Variants in ERBB4 observed in about 807,000 individuals in gnomAD.
The protein encoded by ERBB4 is erb-b2 receptor tyrosine kinase 4.
A neutral mutation model predicts 158.0 loss-of-function variants in ERBB4; 42 were observed. The ratio of observed to expected loss-of-function variants is 0.27; its 90% CI spans 0.21 to 0.34. ERBB4 has a LOEUF of 0.34. Among genes scored for constraint, ERBB4 ranks in the 10% least tolerant of loss-of-function variants. The pLI, the probability that ERBB4 is intolerant of heterozygous loss-of-function variation, is 1.00. For synonymous variants in ERBB4, 583 were observed against 558.7 expected (o/e 1.04, Z -0.61); for missense variants, 1,333 against 1,624.1 (o/e 0.82, Z 3.08).
chr2:212,296,021 T>C (rs1329009173), intron 1 of ERBB4, among the ~76,000 whole-genome samples: 1 of 152,032 alleles, frequency 6.6e-6, no homozygotes, highest in Non-Finnish European at 1.5e-5. Flanking sequence ...AATTAGATGA[T>C]CCCAGGATTG....
intron 2 of ERBB4, among the ~76,000 whole-genome samples, chr2:212,098,120 TG>T (rs1277691907): frequency 6.6e-6 from 1 of 152,160 alleles, no homozygotes; most frequent in Non-Finnish European, 1.5e-5. Context: ...ACTGATACCA[TG>T]AGGTTTTCAC....
At chr2:211,824,150 A>G (rs1202271619) in intron 3 of ERBB4, among the ~76,000 whole-genome samples, 1 of 151,940 alleles carries the variant, frequency 6.6e-6, no homozygotes, top group Non-Finnish European at 1.5e-5. Context: ...TTTTACGAGT[A>G]CTGCTTAAAA....
At chr2:212,447,521 C>A (rs2092379459) in intron 1 of ERBB4, among the ~76,000 whole-genome samples, 1 of 152,210 alleles carries the variant, frequency 6.6e-6, no homozygotes, top group Admixed American at 6.5e-5. Context: ...TTTTCATAAA[C>A]ATTCTTAGGT....
intron 20 of ERBB4, among the ~76,000 whole-genome samples, chr2:211,542,319 A>C (rs1411804630): frequency 6.6e-6 from 1 of 151,988 alleles, no homozygotes; most frequent in Non-Finnish European, 1.5e-5. Flanking sequence ...AAGGAAAACT[A>C]TCTCTTAGCT....
At chr2:212,294,229 C>T (rs145983148) in intron 1 of ERBB4, among the ~76,000 whole-genome samples, 6 of 152,084 alleles carry the variant, frequency 3.9e-5, no homozygotes, top group African/African-American at 1.4e-4. Context: ...AATGGAAAAA[C>T]TATGTAGAAG....
chr2:211,776,065 G>A (rs114272413), intron 4 of ERBB4, among the ~76,000 whole-genome samples: 370 of 152,244 alleles, frequency 2.4e-3, no homozygotes, highest in African/African-American at 8.5e-3. Flanking sequence ...GTAGTCTGGC[G>A]AATGGTTTTG....
At chr2:212,484,579 T>A (rs1321016157) in intron 1 of ERBB4, among the ~76,000 whole-genome samples, 1 of 152,208 alleles carries the variant, frequency 6.6e-6, no homozygotes, top group African/African-American at 2.4e-5. Flanking sequence ...AAAAGGTTTT[T>A]AAAATAGTGT....
chr2:211,765,358 G>A (rs948668545), intron 4 of ERBB4, among the ~76,000 whole-genome samples: 1 of 152,152 alleles, frequency 6.6e-6, no homozygotes, highest in African/African-American at 2.4e-5. Flanking sequence ...GATAGGAAGA[G>A]AGGAGAAAAA....
chr2:211,761,614 T>C lies in ERBB4; in HGVS notation c.557-10910A>G, dbSNP rs185147347. Among the ~76,000 whole-genome samples, 7 of 152,314 alleles carry C rather than the reference T, an allele frequency of 4.6e-5. No homozygotes were observed. The East Asian group carries it at 1.3e-3, about 29-fold the overall frequency. On this transcript the variant is annotated intron_variant, in intron 4 of 27. Coordinates refer to ENST00000342788, the MANE Select transcript of ERBB4 (RefSeq NM_005235.3). ...CTAATTGGCAATTACTTTGATTCTATTATTTGTTTATTAAAGTTCAGCAGT... is the reference window on the plus strand; with the variant it reads ...CTAATTGGCAATTACTTTGATTCTACTATTTGTTTATTAAAGTTCAGCAGT...
In ERBB4 at chr2:211,420,519, A is replaced by G. The variant is rs1330855953; in HGVS notation, c.3057T>C (p.Ala1019=). The G allele has an allele frequency of 2.5e-6, 4 of 1,612,476 alleles. No homozygotes were observed. The South Asian group carries it at 4.4e-5, about 18-fold the overall frequency. ...DEEDLEDMMD[A]EEYLVPQAFN... is the part of the protein sequence containing the mutation. The stretch of plus-strand genomic sequence containing the variant: ...AAGCCTGAGGGACCAAGTACTCCTC[A>G]GCATCCATCATATCTTCCAAATCCT... The change falls in exon 25 of 28, where the codon GCT becomes GCC. Residue 1019 remains alanine, a synonymous_variant. Transcript: ENST00000342788.
intron 1 of ERBB4, among the ~76,000 whole-genome samples, chr2:212,350,329 A>C (rs1031487546): frequency 1.3e-5 from 2 of 152,062 alleles, no homozygotes; most frequent in Non-Finnish European, 2.9e-5. Flanking sequence ...ACACAAGAAT[A>C]GTTTCCTTAA....
At chr2:211,709,254 C>CGTGT (rs2073581365) in intron 9 of ERBB4, among the ~76,000 whole-genome samples, 2 of 101,554 alleles carry the variant, frequency 2.0e-5, no homozygotes, top group African/African-American at 7.9e-5. Context: ...TATATATACA[C>CGTGT]ATATATATAT....
chr2:211,483,868 TC>T (rs1478749182), intron 20 of ERBB4, among the ~76,000 whole-genome samples: 2 of 152,076 alleles, frequency 1.3e-5, no homozygotes, highest in East Asian at 3.9e-4. Flanking sequence ...ACAACACATT[TC>T]TTGTTGAGAA....
In ERBB4 at chr2:211,377,980, A is replaced by T. The variant is rs1478895292; in HGVS notation, c.*5635T>A. 1 of 232,888 alleles carries T rather than the reference A, an allele frequency of 4.3e-6. No homozygotes were observed. Among genetic ancestry groups the T allele is most frequent in the African/African-American group, 2.2e-5 (1 of 45,294 alleles). 14.4% of individuals were successfully genotyped at this position (232,888 alleles called of 1,614,324 possible). A position where few individuals can be genotyped will look rare whatever the true frequency, so the allele number is the denominator to read the frequency against. ...AGAATCTCTTATGAAAAAATCAGGCATTCGAGGGCAAAGATGAAGTCAGTG... is the reference window on the plus strand; with the variant it reads ...AGAATCTCTTATGAAAAAATCAGGCTTTCGAGGGCAAAGATGAAGTCAGTG... On this transcript the variant is annotated 3_prime_UTR_variant, in exon 28 of 28. Transcript: ENST00000342788.
chr2:211,772,594 C>G (rs73069331), intron 4 of ERBB4, among the ~76,000 whole-genome samples: 7,059 of 151,384 alleles, frequency 0.047, 433 homozygotes, highest in African/African-American at 0.14. Flanking sequence ...TTGGGCCTCT[C>G]TCTCTCCAAA....
intron 19 of ERBB4, among the ~76,000 whole-genome samples, chr2:211,562,958 A>G (rs1434664031): frequency 1.3e-5 from 2 of 151,872 alleles, no homozygotes; most frequent in Non-Finnish European, 1.5e-5. Context: ...TTTTTAGTAG[A>G]GACGGGGTTT....
intron 5 of ERBB4, among the ~76,000 whole-genome samples, chr2:211,746,511 A>C (rs748800882): frequency 1.1e-4 from 16 of 151,822 alleles, no homozygotes; most frequent in Non-Finnish European, 1.9e-4. Flanking sequence ...ACTTCCTCCC[A>C]CCTGTGTTTG....
At chr2:212,105,983 C>T (rs1318198174) in intron 2 of ERBB4, among the ~76,000 whole-genome samples, 1 of 152,188 alleles carries the variant, frequency 6.6e-6, no homozygotes, top group Non-Finnish European at 1.5e-5. Context: ...TCCCCAGCCA[C>T]ATGGAACTGT....
chr2:211,853,558 T>C (rs889147013), intron 3 of ERBB4, among the ~76,000 whole-genome samples: 6 of 151,986 alleles, frequency 3.9e-5, no homozygotes, highest in African/African-American at 1.4e-4. Context: ...CTCTTTCCTT[T>C]CAAAAAGAAC....
Sources: gnomAD v4.1 joint callset for allele counts (sites outside exome capture counted in the v4.1 genomes callset) on GRCh38, gnomAD v4.1.1 for gene constraint, MANE v1.5 for transcripts, NCBI Gene and HGNC (gene_info 2026-07-23, HGNC 2026-07-21) for gene names.